FSTL4: variants seen among roughly 807,000 people sequenced by gnomAD.
FSTL4 encodes the protein follistatin-related protein 4.
FSTL4 carries 28 observed loss-of-function variants against 78.2 expected under a neutral mutation model. That is an observed-to-expected ratio of 0.36 (90% CI 0.27 to 0.49). The LOEUF (loss-of-function observed/expected upper bound fraction) is 0.49. Among genes scored for constraint, FSTL4 ranks in the 20% least tolerant of loss-of-function variants. The pLI is 0.98. For missense variants in FSTL4, 922 were observed against 1,084.9 expected, an observed-to-expected ratio of 0.85 and a Z score of 2.11; for synonymous variants, 422 against 440.5, an observed-to-expected ratio of 0.96 and a Z score of 0.53.
At chr5:133,537,836 AGTGT>A (rs138290593) in intron 3 of FSTL4, among the ~76,000 whole-genome samples, 6 of 151,958 alleles carry the variant, frequency 3.9e-5, no homozygotes, top group African/African-American at 7.2e-5. Context: ...ACACATATAT[AGTGT>A]GTGTGTATCT....
the FSTL4 span, among the ~76,000 whole-genome samples, chr5:133,686,121 T>A: frequency 2.0e-5 from 3 of 152,220 alleles, no homozygotes; most frequent in African/African-American, 7.2e-5. Context: ...ATTATGAGCA[T>A]CCTACATGTC....
chr5:133,319,280 C>T (rs1428472762), intron 4 of FSTL4, among the ~76,000 whole-genome samples: 1 of 152,212 alleles, frequency 6.6e-6, no homozygotes, highest in African/African-American at 2.4e-5. Flanking sequence ...TCTCCAGCAT[C>T]AGCTCCCTGA....
At chr5:133,285,333 T>C (rs1753104765) in intron 6 of FSTL4, among the ~76,000 whole-genome samples, 2 of 152,220 alleles carry the variant, frequency 1.3e-5, no homozygotes, top group Admixed American at 1.3e-4. Context: ...ATTTCAGCTT[T>C]GACCAGTGTC....
intron 3 of FSTL4, among the ~76,000 whole-genome samples, chr5:133,405,595 G>A (rs941292106): frequency 1.3e-5 from 2 of 152,228 alleles, no homozygotes; most frequent in Admixed American, 1.3e-4. Context: ...CCATGTACAT[G>A]TAGCCATGTG....
chr5:133,674,188 G>GGA, the FSTL4 span, among the ~76,000 whole-genome samples: 1 of 152,182 alleles, frequency 6.6e-6, no homozygotes, highest in Non-Finnish European at 1.5e-5. Context: ...GTGAATCACT[G>GGA]TTTTTATCCT....
chr5:133,645,040 C>T, the FSTL4 span, among the ~76,000 whole-genome samples: 1 of 152,006 alleles, frequency 6.6e-6, no homozygotes, highest in African/African-American at 2.4e-5. Context: ...GTAATAACTT[C>T]CCACCGGAGA....
chr5:133,559,897 G>A (rs917255592), intron 3 of FSTL4, among the ~76,000 whole-genome samples: 1 of 152,212 alleles, frequency 6.6e-6, no homozygotes, highest in African/African-American at 2.4e-5. Context: ...ATAGGACCAG[G>A]TATCCTGGAG....
At chr5:133,280,447 C>T (rs1752984154) in intron 6 of FSTL4, among the ~76,000 whole-genome samples, 3 of 152,168 alleles carry the variant, frequency 2.0e-5, no homozygotes, top group Admixed American at 2.0e-4. Flanking sequence ...CCAGTCAAGA[C>T]TGATGCCATT....
chr5:133,249,600 C>A, intron 6 of FSTL4, 24 bp from the exon 7 acceptor site: 1 of 1,595,666 alleles, frequency 6.3e-7, no homozygotes, highest in South Asian at 1.1e-5. Context: ...GGAGGAGGCA[C>A]GGTCAGGTGC....
At position 133,323,493 on chromosome 5, in the gene FSTL4, C is replaced by G. The variant is rs539033340; in HGVS notation, c.410-6841G>C. Among the ~76,000 whole-genome samples, 3 of 152,350 alleles carry G rather than the reference C, an allele frequency of 2.0e-5. No individual in the cohort carries two copies. In the South Asian group the frequency reaches 6.2e-4, roughly 32 times the overall value. ...TCAGTGCTCATGGCTAAACAGAAGA[C>G]AGAAGATGTCCTGATCCTCTCCCTC... On this transcript the variant is annotated intron_variant, in intron 4 of 15. Transcript: ENST00000265342.
intron 3 of FSTL4, among the ~76,000 whole-genome samples, chr5:133,478,362 G>A (rs1243244774): frequency 6.6e-6 from 1 of 152,216 alleles, no homozygotes; most frequent in African/African-American, 2.4e-5. Flanking sequence ...GTATTGGTGA[G>A]CAAGTCGTCT....
chr5:133,656,210 G>T, the FSTL4 span, among the ~76,000 whole-genome samples: 1 of 152,022 alleles, frequency 6.6e-6, no homozygotes, highest in South Asian at 2.1e-4. Flanking sequence ...AGCCAACAAG[G>T]ACTGTGTTGT....
At chr5:133,262,243 CA>C (rs1752547880) in intron 6 of FSTL4, among the ~76,000 whole-genome samples, 1 of 152,194 alleles carries the variant, frequency 6.6e-6, no homozygotes, top group African/African-American at 2.4e-5. Context: ...CCCTGTTCTA[CA>C]GGTCGCAACT....
At chr5:133,673,456 T>C in the FSTL4 span, among the ~76,000 whole-genome samples, 1 of 152,174 alleles carries the variant, frequency 6.6e-6, no homozygotes, top group South Asian at 2.1e-4. Flanking sequence ...TTCCCTAAAA[T>C]TAGGTGGAAC....
chr5:133,522,678 T>C (rs762406984), intron 3 of FSTL4, among the ~76,000 whole-genome samples: 3 of 152,254 alleles, frequency 2.0e-5, no homozygotes, highest in South Asian at 2.1e-4. Context: ...GATTATCCAA[T>C]TGACACGTTC....
intron 6 of FSTL4, among the ~76,000 whole-genome samples, chr5:133,279,940 G>C (rs1752973380): frequency 6.6e-6 from 1 of 152,208 alleles, no homozygotes; most frequent in African/African-American, 2.4e-5. Context: ...TGTGAAGATG[G>C]AGGCAGACAC....
intron 4 of FSTL4, among the ~76,000 whole-genome samples, chr5:133,363,938 G>A (rs1452661630): frequency 6.6e-6 from 1 of 152,150 alleles, no homozygotes; most frequent in Non-Finnish European, 1.5e-5. Context: ...ATTCATAGAC[G>A]GCGGCTCAGA....
intron 3 of FSTL4, among the ~76,000 whole-genome samples, chr5:133,558,688 C>T (rs1416127405): frequency 6.6e-6 from 1 of 151,940 alleles, no homozygotes; most frequent in Admixed American, 6.6e-5. Context: ...CCAATGGCAA[C>T]CTTGGCCAAG....
At chr5:133,476,854 G>A (rs1328137109) in intron 3 of FSTL4, among the ~76,000 whole-genome samples, 1 of 152,112 alleles carries the variant, frequency 6.6e-6, no homozygotes, top group Admixed American at 6.5e-5. Context: ...TACATATATG[G>A]TGGTCATGGG....
Sources: gnomAD v4.1 joint callset for allele counts (sites outside exome capture counted in the v4.1 genomes callset) on GRCh38, gnomAD v4.1.1 for gene constraint, MANE v1.5 for transcripts, NCBI Gene and HGNC (gene_info 2026-07-23, HGNC 2026-07-21) for gene names.